The following LITAF variants were observed in gnomAD, a reference collection of about 807,000 sequenced individuals.
LITAF encodes lipopolysaccharide-induced tumor necrosis factor-alpha factor.
A neutral mutation model predicts 14.5 loss-of-function variants in LITAF; 9 were observed. The ratio of observed to expected loss-of-function variants is 0.62; its 90% confidence interval spans 0.37 to 1.08. LITAF has a LOEUF of 1.08. LITAF is among the 50% of genes least tolerant of loss of function. LITAF has a pLI of 0.01. For synonymous variants in LITAF, 98 were observed against 88.2 expected (o/e 1.11, Z -0.62); for missense variants, 206 against 213.4 (o/e 0.97, Z 0.22).
rs139517921 is a variant in LITAF, at chr16:11,594,472, C to T, written c.-6+3916G>A. On this transcript the variant is annotated intron_variant, in intron 1 of 3. Coordinates refer to the LITAF transcript ENST00000571627. ...TGAAACTTCAGACATGAAGTGGCCA[C>T]AGGAGGAAAAACTGGTTCCCTAAAA... 8.5e-5 allele frequency among the ~76,000 whole-genome samples: 13 copies of T among 152,144 alleles called. No homozygotes were observed. In the East Asian group the frequency reaches 2.5e-3, roughly 29 times the overall value.
chr16:11,595,673 G>A (rs1410309187), intron 1 of LITAF, among the ~76,000 whole-genome samples: 1 of 152,182 alleles, frequency 6.6e-6, no homozygotes, highest in Non-Finnish European at 1.5e-5. Flanking sequence ...AGCTTGCAGT[G>A]AGCTGAGATC....
At chr16:11,638,731 A>AC (rs2065153050), upstream of LITAF, among the ~76,000 whole-genome samples, 1 of 140,506 alleles carries the variant, frequency 7.1e-6, no homozygotes, top group Non-Finnish European at 1.5e-5. Context: ...AAAAAAAAAA[A>AC]AAAAAAAAAA....
At chr16:11,589,250 T>C (rs140702379), upstream of LITAF, among the ~76,000 whole-genome samples, 1 of 152,280 alleles carries the variant, frequency 6.6e-6, no homozygotes, top group African/African-American at 2.4e-5. Context: ...GCTTTCATGA[T>C]TAAAAAAATA....
intron 3 of LITAF, among the ~76,000 whole-genome samples, chr16:11,608,298 G>A (rs149723982): frequency 6.6e-6 from 1 of 152,232 alleles, no homozygotes; most frequent in Non-Finnish European, 1.5e-5. Context: ...GAAGAACGGG[G>A]AGCAGTGAGG....
rs139548304 is a variant in LITAF at position 11,611,822 on chromosome 16, C to A, written c.85+21711G>T. ...GGATTACAGGTGTGCGCCACCATGC[C>A]TGGATAGTTTTTTTGTATTTTTAGT... On this transcript the variant is annotated intron_variant, in intron 3 of 3. Coordinates refer to the LITAF transcript ENST00000574848. 4.8e-3 allele frequency among the ~76,000 whole-genome samples: 732 copies of A among 152,178 alleles called. 1 individual carries two copies. Among genetic ancestry groups the A allele is most frequent in the African/African-American group, 0.017 (705 of 41,520 alleles).
chr16:11,618,249 G>A (rs928830144), intron 3 of LITAF, among the ~76,000 whole-genome samples: 8 of 152,152 alleles, frequency 5.3e-5, no homozygotes, highest in African/African-American at 2.4e-5. Context: ...TTCCCCCTTG[G>A]AAGAGACATT....
At chr16:11,593,044 G>A (rs1036463033) in intron 1 of LITAF, among the ~76,000 whole-genome samples, 7 of 152,074 alleles carry the variant, frequency 4.6e-5, no homozygotes, top group African/African-American at 9.7e-5. Flanking sequence ...TATGGCAGGC[G>A]CCTGTAGCCC....
At chr16:11,578,026 G>A (rs897331829) in intron 1 of LITAF, among the ~76,000 whole-genome samples, 3 of 152,154 alleles carry the variant, frequency 2.0e-5, no homozygotes. Context: ...CTCCTGAGTA[G>A]CTGGGGCTAC....
Position 11,549,748 on chromosome 16 carries a change from G to A in LITAF, c.378-3C>T, listed in dbSNP as rs774213197. On this transcript the variant is annotated splice_region_variant and splice_polypyrimidine_tract_variant and intron_variant, in intron 3 of 3. Coordinates refer to ENST00000622633, the MANE Select transcript of LITAF (RefSeq NM_001136472.2). This position sits in a 1 kb window ranked among gnomAD's most constrained non-coding sequence, Gnocchi z 4.6. ...TGAAGCAGCAGCCCGCTATGCACCT[G>A]GGAGGAGAGAGAGACACACGGAGCG... 1.4e-5 allele frequency: 22 copies of A among 1,610,696 alleles called. No individual in the cohort carries two copies. Among genetic ancestry groups the A allele is most frequent in the Non-Finnish European group, 1.8e-5 (21 of 1,178,066 alleles).
upstream of LITAF, chr16:11,587,507 G>T (rs1372901078): frequency 2.2e-6 from 1 of 452,482 alleles, no homozygotes; most frequent in Middle Eastern, 7.0e-4. Flanking sequence ...GCACAATAGC[G>T]GTCCTGTCTC....
chr16:11,578,002 C>T (rs2064668208), intron 1 of LITAF, among the ~76,000 whole-genome samples: 2 of 152,060 alleles, frequency 1.3e-5, no homozygotes, highest in African/African-American at 2.4e-5. Flanking sequence ...CTCAAATGAT[C>T]CTCCCACCTC....
intron 1 of LITAF, among the ~76,000 whole-genome samples, chr16:11,581,933 A>C (rs1447556726): frequency 6.6e-6 from 1 of 152,186 alleles, no homozygotes; most frequent in South Asian, 2.1e-4. Context: ...TGGAGGTTAC[A>C]AAGGGGAGGG....
intron 3 of LITAF, among the ~76,000 whole-genome samples, chr16:11,552,194 G>A (rs894666800): frequency 4.1e-4 from 63 of 152,182 alleles, no homozygotes; most frequent in African/African-American, 1.5e-3. Context: ...CACAAACACC[G>A]TTTCCTTCAA....
chr16:11,601,281 G>T (rs2064924736), upstream of LITAF, among the ~76,000 whole-genome samples: 1 of 151,644 alleles, frequency 6.6e-6, no homozygotes, highest in Non-Finnish European at 1.5e-5. Context: ...TGTGACAGAG[G>T]TCATTCCCCC....
intron 3 of LITAF, among the ~76,000 whole-genome samples, chr16:11,619,319 A>AC (rs199653738): frequency 0.018 from 2,798 of 151,538 alleles, 81 homozygotes; most frequent in African/African-American, 0.064. Context: ...TCAAAAACAA[A>AC]AAACAAAAAA....
rs1045679129 is a variant in LITAF at position 11,554,222 on chromosome 16, G to A, written c.221-533C>T. Among the ~76,000 whole-genome samples, 11 of 151,650 alleles carry A rather than the reference G, an allele frequency of 7.3e-5. No individual in the cohort carries two copies. In the East Asian group the frequency reaches 9.8e-4, roughly 14 times the overall value. ...TCTCCAGCCTGGACAACAGAGCGAC[G>A]CTCAGTCCCAAAAACAAATAAATAA... On this transcript the variant is annotated intron_variant, in intron 2 of 3. Coordinates refer to ENST00000622633, the MANE Select transcript of LITAF (RefSeq NM_001136472.2).
intron 1 of LITAF, among the ~76,000 whole-genome samples, chr16:11,572,843 G>C (rs2064566035): frequency 6.6e-6 from 1 of 152,094 alleles, no homozygotes; most frequent in Non-Finnish European, 1.5e-5. Context: ...AGCAGTTGTG[G>C]CCAGTGTCCC....
intron 1 of LITAF, among the ~76,000 whole-genome samples, chr16:11,574,550 G>T (rs1488615539): frequency 2.0e-5 from 3 of 151,950 alleles, no homozygotes; most frequent in Admixed American, 1.3e-4. Context: ...AATTAAAAAA[G>T]AAAGTCTCCT....
chr16:11,594,425 T>C, intron 1 of LITAF, among the ~76,000 whole-genome samples: 1 of 152,120 alleles, frequency 6.6e-6, no homozygotes, highest in East Asian at 1.9e-4. Context: ...GAAAGGAAGA[T>C]GCTTTTCCTC....
Sources: allele counts gnomAD v4.1 joint callset (sites outside exome capture counted in the v4.1 genomes callset), GRCh38; gene constraint gnomAD v4.1.1; non-coding constraint Gnocchi (gnomAD v3.1); transcripts MANE v1.5; gene names NCBI Gene and HGNC (gene_info 2026-07-23, HGNC 2026-07-21).